Variants in RRM1 observed in about 807,000 individuals in gnomAD.
RRM1 encodes the protein ribonucleoside-diphosphate reductase large subunit.
Under a neutral mutation model 101.5 loss-of-function variants are expected in RRM1, and 19 were observed. The ratio of observed to expected loss-of-function variants is 0.19; its 90% CI spans 0.13 to 0.27. The LOEUF (loss-of-function observed/expected upper bound fraction) is 0.27, where lower values mean the gene tolerates loss of function less well. RRM1 is among the 10% of genes least tolerant of loss of function. RRM1 has a pLI of 1.00. For synonymous variants in RRM1, 298 were observed against 323.4 expected (o/e 0.92, Z 0.84); for missense variants, 500 against 962.9 (o/e 0.52, Z 6.36).
intron 3 of RRM1, among the ~76,000 whole-genome samples, chr11:4,107,147 C>T (rs938949286): frequency 2.6e-5 from 4 of 152,246 alleles, no homozygotes; most frequent in Admixed American, 6.5e-5. Flanking sequence ...CCGCCTCGGC[C>T]TCCCAAAGTC....
intron 9 of RRM1, among the ~76,000 whole-genome samples, chr11:4,121,320 T>C (rs971706480): frequency 6.6e-5 from 10 of 152,264 alleles, no homozygotes; most frequent in African/African-American, 2.4e-4. Context: ...AGCTGGGCTG[T>C]TGCTGAAGAG....
At chr11:4,124,851 CTTTTT>C (rs1554975502) in intron 12 of RRM1, among the ~76,000 whole-genome samples, 2 of 119,424 alleles carry the variant, frequency 1.7e-5, no homozygotes, top group African/African-American at 2.9e-5. Flanking sequence ...CTTTTCTTTT[CTTTTT>C]TTTAGTATAT....
intron 5 of RRM1, among the ~76,000 whole-genome samples, chr11:4,110,159 AATT>A (rs1223768813): frequency 1.3e-5 from 2 of 151,770 alleles, no homozygotes; most frequent in African/African-American, 4.8e-5. Flanking sequence ...ATTAAAAAAA[AATT>A]TTTTTTTTGA....
chr11:4,107,497 G>T lies in RRM1; in HGVS notation c.349G>T (p.Ala117Ser). The T allele has an allele frequency of 2.5e-6, 4 of 1,613,432 alleles. No individual in the cohort carries two copies. The highest frequency in any genetic ancestry group is 3.4e-6 in the Non-Finnish European group (4 of 1,179,442). The change falls in exon 4 of 19, where the codon GCC (alanine) becomes TCC (serine). Residue 117 changes from alanine to serine, a missense_variant. By Grantham distance (99) the Ala-to-Ser change is moderately conservative. This residue lies in a region of RRM1 where 41 missense variants were observed against 40.7 expected (regional missense o/e 1.01). Coordinates refer to ENST00000300738, the MANE Select transcript of RRM1 (RefSeq NM_001033.5). ...PHNGKHSPMV[A>S]KSTLDIVLAN... ...TAATGGCAAACACTCTCCCATGGTG[G>T]CCAAGTCAACATTGGATATTGTTCT... is the stretch of plus-strand genomic sequence containing the variant.
chr11:4,113,902 G>A (rs570705485), intron 7 of RRM1, among the ~76,000 whole-genome samples: 12 of 152,222 alleles, frequency 7.9e-5, no homozygotes, highest in Admixed American at 1.3e-4. Flanking sequence ...CGAGGCGGGC[G>A]GATTGCCTGA....
chr11:4,112,030 C>T lies in RRM1; in HGVS notation c.618C>T (p.Phe206=), dbSNP rs146368319. ...TTACTCATGCTTCGCCCACTCTCTT[C>T]AATGCTGGTACCAACCGCCCACAAC... is the stretch of plus-strand genomic sequence containing the variant. ...RWFTHASPTL[F]NAGTNRPQLS... is the part of the protein sequence containing the mutation. Residue 206 remains phenylalanine (F), a synonymous_variant, in exon 7 of 19, where the codon TTC becomes TTT. Transcript: ENST00000300738. 6 of 1,614,074 alleles carry T rather than the reference C, an allele frequency of 3.7e-6. No homozygotes were observed. The highest frequency in any genetic ancestry group is 1.1e-5 in the South Asian group (1 of 91,062).
At chr11:4,117,751 T>C (rs2094575697) in intron 7 of RRM1, among the ~76,000 whole-genome samples, 1 of 152,200 alleles carries the variant, frequency 6.6e-6, no homozygotes, top group Admixed American at 6.5e-5. Context: ...ATAGATAGAA[T>C]CCATTTGCAT....
chr11:4,110,711 G>A (rs958565885), intron 5 of RRM1, among the ~76,000 whole-genome samples: 3 of 149,974 alleles, frequency 2.0e-5, no homozygotes, highest in African/African-American at 7.4e-5. Flanking sequence ...GGAGGTTGCA[G>A]TGAGCCAAGA....
intron 17 of RRM1, among the ~76,000 whole-genome samples, chr11:4,134,265 C>T (rs2094605504): frequency 6.6e-6 from 1 of 152,120 alleles, no homozygotes; most frequent in Non-Finnish European, 1.5e-5. Flanking sequence ...AGCCACCGTG[C>T]CTGGCCTCAG....
chr11:4,118,963 G>T (rs1241557624), intron 8 of RRM1: 1 of 152,450 alleles, frequency 6.6e-6, no homozygotes, highest in Non-Finnish European at 1.5e-5. Flanking sequence ...ATGTGGTAGA[G>T]CCAGGATTCA....
At chr11:4,105,966 G>C in intron 2 of RRM1, 80 bp from the exon 3 acceptor site, 1 of 1,224,406 alleles carries the variant, frequency 8.2e-7, no homozygotes, top group Non-Finnish European at 1.2e-6. Context: ...ACCTGGCCAT[G>C]ATGGTTTTCT....
intron 12 of RRM1, among the ~76,000 whole-genome samples, chr11:4,124,335 T>G (rs748231392): frequency 6.6e-6 from 1 of 151,988 alleles, no homozygotes; most frequent in Non-Finnish European, 1.5e-5. Flanking sequence ...GGATGTAAAC[T>G]ATGGAAACGA....
rs139076518 is a variant in RRM1, at chr11:4,135,512, TCCTTCCTTTA to T, written c.2190+244_2190+253del. ...AACCTTGTAGTTACCTGTGATGCTT[TCCTTCCTTTA>T]CTGTCCGTACAATTACCAAGTTGTG... On this transcript the variant is annotated intron_variant, in intron 18 of 18. Coordinates refer to ENST00000300738, the MANE Select transcript of RRM1 (RefSeq NM_001033.5). Among the ~76,000 whole-genome samples the T allele has an allele frequency of 3.5e-3, 540 of 152,344 alleles. 1 individual carries two copies. The highest frequency in any genetic ancestry group is 0.012 in the African/African-American group (513 of 41,576).
intron 14 of RRM1, among the ~76,000 whole-genome samples, chr11:4,128,057 A>AC (rs1168387041): frequency 6.6e-6 from 1 of 151,940 alleles, no homozygotes; most frequent in Non-Finnish European, 1.5e-5. Context: ...AGTGGGAGAG[A>AC]CCATCTCTCG....
chr11:4,101,865 A>G (rs2094551896), intron 1 of RRM1, 128 bp from the exon 2 acceptor site: 1 of 615,520 alleles, frequency 1.6e-6, no homozygotes. Flanking sequence ...GGGGGCCTCA[A>G]TCTTTTCTGT....
chr11:4,129,732 C>A (rs2094595860), intron 15 of RRM1, among the ~76,000 whole-genome samples: 1 of 151,706 alleles, frequency 6.6e-6, no homozygotes, highest in Non-Finnish European at 1.5e-5. Flanking sequence ...TGTTTTCTAT[C>A]GTGATGACTT....
At chr11:4,104,443 A>G (rs1253750552) in intron 2 of RRM1, among the ~76,000 whole-genome samples, 1 of 152,220 alleles carries the variant, frequency 6.6e-6, no homozygotes, top group African/African-American at 2.4e-5. Flanking sequence ...GATTCAATAA[A>G]TAAACCACTC....
chr11:4,102,826 G>T (rs1297217848), intron 2 of RRM1, among the ~76,000 whole-genome samples: 3 of 152,118 alleles, frequency 2.0e-5, no homozygotes, highest in African/African-American at 7.2e-5. Flanking sequence ...TAAACCAGTT[G>T]CTCTGCTTTT....
At chr11:4,105,742 G>A in intron 2 of RRM1, 1 of 387,976 alleles carries the variant, frequency 2.6e-6, no homozygotes, top group East Asian at 6.5e-5. Flanking sequence ...TGGAGATTGG[G>A]GGCGGGGCAG....
Sources: gnomAD v4.1 joint callset for allele counts (sites outside exome capture counted in the v4.1 genomes callset) on GRCh38, gnomAD v4.1.1 for gene constraint, gnomAD v4.1.1 regional missense constraint, MANE v1.5 for transcripts, NCBI Gene and HGNC (gene_info 2026-07-23, HGNC 2026-07-21) for gene names.